Variants in DNAH5 observed in about 807,000 individuals in gnomAD.
DNAH5 encodes axonemal beta dynein heavy chain 5.
In DNAH5, 372 loss-of-function variants were observed where a neutral mutation model predicts 518.2. That is an observed-to-expected ratio of 0.72 (90% CI 0.66 to 0.78). The LOEUF is 0.78. Ranked by LOEUF, DNAH5 falls within the 30% of genes least tolerant of loss-of-function variation. The pLI is 0.00. For missense variants in DNAH5, 5,523 were observed against 5,687.0 expected, an observed-to-expected ratio of 0.97 and a Z score of 0.93; for synonymous variants, 2,039 against 2,025.9, an observed-to-expected ratio of 1.01 and a Z score of -0.17.
At chr5:13,844,481 C>T (rs960241572) in intron 32 of DNAH5, among the ~76,000 whole-genome samples, 1 of 149,642 alleles carries the variant, frequency 6.7e-6, no homozygotes, top group Non-Finnish European at 1.5e-5. Context: ...CAGATTAAAA[C>T]AATTACATCA....
rs1331803302 is a variant in DNAH5, at chr5:13,707,814, G to A, written c.13338+309C>T. Among the ~76,000 whole-genome samples, 3 of 152,108 alleles carry A rather than the reference G, an allele frequency of 2.0e-5. No individual in the cohort carries two copies. The highest frequency in any genetic ancestry group is 6.5e-5 in the Admixed American group (1 of 15,280). On this transcript the variant is annotated intron_variant, in intron 76 of 78. Coordinates refer to ENST00000265104, the MANE Select transcript of DNAH5 (RefSeq NM_001369.3). This position sits in a 1 kb window ranked among gnomAD's most constrained non-coding sequence, Gnocchi z 4.0. The stretch of plus-strand genomic sequence containing the variant: ...ATTCTGATTCTTGGACTACTTAGAT[G>A]TGTAATCTGAGAAAAGACTTAACCT...
chr5:13,715,885 C>T (rs925574247), intron 74 of DNAH5, among the ~76,000 whole-genome samples: 4 of 152,144 alleles, frequency 2.6e-5, no homozygotes, highest in East Asian at 1.9e-4. Context: ...ATTGGCATCC[C>T]GTGGATAGAG....
intron 55 of DNAH5, 127 bp downstream of exon 55, chr5:13,776,312 T>C: frequency 7.8e-7 from 1 of 1,274,394 alleles, no homozygotes; most frequent in Non-Finnish European, 1.1e-6. Flanking sequence ...ATTAAACCTC[T>C]GTGCCTTCCC....
intron 53 of DNAH5, among the ~76,000 whole-genome samples, chr5:13,777,642 C>T (rs935783218): frequency 1.3e-5 from 2 of 152,110 alleles, no homozygotes; most frequent in African/African-American, 4.8e-5. Context: ...CAAAATGTAT[C>T]TTTCTCAAAA....
chr5:13,699,176 G>T (rs1225223577), intron 78 of DNAH5, among the ~76,000 whole-genome samples: 2 of 152,094 alleles, frequency 1.3e-5, no homozygotes, highest in African/African-American at 4.8e-5. Flanking sequence ...TCTCATTCTT[G>T]TCCTCCAAAG....
intron 53 of DNAH5, among the ~76,000 whole-genome samples, chr5:13,779,541 C>A (rs1219241767): frequency 1.3e-5 from 2 of 152,164 alleles, no homozygotes; most frequent in Non-Finnish European, 2.9e-5. Context: ...GATTTTCAGC[C>A]CAACCTAACT....
In DNAH5 at chr5:13,913,844, G is replaced by T; in HGVS notation, c.1435C>A (p.Arg479Ser). 6.2e-7 allele frequency: 1 copy of T among 1,613,662 alleles called. No individual in the cohort carries two copies. Among genetic ancestry groups the T allele is most frequent in the African/African-American group, 1.3e-5 (1 of 75,034 alleles). The change falls in exon 11 of 79, where the codon CGC becomes AGC. Residue 479 changes from arginine (R) to serine (S), a missense_variant. By Grantham distance (110) the Arg-to-Ser change is moderately radical. This residue lies in a region of DNAH5 where 5,121 missense variants were observed against 5,223.3 expected (regional missense o/e 0.98). Coordinates refer to ENST00000265104, the MANE Select transcript of DNAH5 (RefSeq NM_001369.3). ...IFGKFETFHR[R>S]LAKIIDIFTT... ...AAGATGTCTATTATCTTGGCAAGGC[G>T]TCGGTGAAAAGTTTCGAATTTTCCA... is the stretch of plus-strand genomic sequence containing the variant.
intron 75 of DNAH5, among the ~76,000 whole-genome samples, chr5:13,712,374 AT>A (rs1743605917): frequency 6.6e-6 from 1 of 152,244 alleles, no homozygotes; most frequent in Non-Finnish European, 1.5e-5. Flanking sequence ...ATTCTCGACA[AT>A]AACATTGGAA....
chr5:13,766,101 C>T lies in DNAH5; in HGVS notation c.9976G>A (p.Val3326Ile), dbSNP rs149452082. 16 of 1,614,168 alleles carry T rather than the reference C, an allele frequency of 9.9e-6. No individual in the cohort carries two copies. The highest frequency in any genetic ancestry group is 3.3e-5 in the Admixed American group (2 of 60,020). The stretch of plus-strand genomic sequence containing the variant: ...ACTTTCCTTTGAAACAGCAGCAGTA[C>T]GCAATCCATGATCCGCATGATGAGG... The part of the protein sequence containing the change: ...PHLIMRIMDC[V>I]LLLFQRKVSA... Residue 3326 changes from valine (V) to isoleucine (I), a missense_variant, in exon 59 of 79, where the codon GTA becomes ATA. Val to Ile is a conservative substitution (Grantham distance 29). Coordinates refer to ENST00000265104, the MANE Select transcript of DNAH5 (RefSeq NM_001369.3).
At chr5:13,727,335 A>C (rs1176028828) in intron 70 of DNAH5, among the ~76,000 whole-genome samples, 172 bp downstream of exon 70, 2 of 152,230 alleles carry the variant, frequency 1.3e-5, no homozygotes, top group African/African-American at 4.8e-5. Context: ...CATATGCCTC[A>C]AGACATCTAT....
chr5:13,792,561 G>T (rs555832095), intron 49 of DNAH5, among the ~76,000 whole-genome samples: 94 of 152,164 alleles, frequency 6.2e-4, no homozygotes, highest in African/African-American at 2.2e-3. Flanking sequence ...AGTCCTCTAA[G>T]GTTTCTAGTT....
chr5:13,906,267 T>A (rs539507948), intron 12 of DNAH5, among the ~76,000 whole-genome samples: 2 of 152,284 alleles, frequency 1.3e-5, no homozygotes, highest in Admixed American at 1.3e-4. Context: ...TAGATGGTAA[T>A]GATGTGTCAA....
At chr5:13,726,538 T>C (rs1384822499) in intron 70 of DNAH5, among the ~76,000 whole-genome samples, 1 of 152,238 alleles carries the variant, frequency 6.6e-6, no homozygotes, top group African/African-American at 2.4e-5. Flanking sequence ...AACATTTCTT[T>C]CCACACTGTC....
At chr5:13,692,514 T>C (rs1332882893) in intron 78 of DNAH5, among the ~76,000 whole-genome samples, 1 of 152,146 alleles carries the variant, frequency 6.6e-6, no homozygotes, top group Non-Finnish European at 1.5e-5. Context: ...TACTCAGGCA[T>C]CCAGCACCAG....
chr5:13,832,647 T>C (rs1052893813), intron 35 of DNAH5, among the ~76,000 whole-genome samples: 2 of 152,236 alleles, frequency 1.3e-5, no homozygotes, highest in Non-Finnish European at 2.9e-5. Flanking sequence ...ATAAACTCTC[T>C]GCGGTCAGGA....
rs1762003156 is a variant in DNAH5, at chr5:13,820,000, T to A, written c.6841+346A>T. Reference sequence around the variant, plus strand: ...GCCCTGACCTTAACTCTGAGTCCCATCACTTACCATCTTTGTGACCGTGGG... The same window carrying A: ...GCCCTGACCTTAACTCTGAGTCCCAACACTTACCATCTTTGTGACCGTGGG... On this transcript the variant is annotated intron_variant, in intron 41 of 78. Coordinates refer to ENST00000265104, the MANE Select transcript of DNAH5 (RefSeq NM_001369.3). Among the ~76,000 whole-genome samples the A allele has an allele frequency of 2.0e-5, 3 of 152,262 alleles. No individual in the cohort carries two copies. In the South Asian group the frequency reaches 6.2e-4, roughly 32 times the overall value.
At chr5:13,720,063 G>A (rs576653983) in intron 71 of DNAH5, among the ~76,000 whole-genome samples, 22 of 145,868 alleles carry the variant, frequency 1.5e-4, no homozygotes, top group Middle Eastern at 3.6e-3. Context: ...ACCCATCTTA[G>A]ATCACTGACT....
chr5:13,697,392 C>T (rs926093564), intron 78 of DNAH5, among the ~76,000 whole-genome samples: 4 of 152,156 alleles, frequency 2.6e-5, no homozygotes, highest in Admixed American at 6.5e-5. Context: ...TGAGAACCTT[C>T]GTGTTCCTAA....
In DNAH5 at chr5:13,830,187, A is replaced by C. The variant is rs1763453207; in HGVS notation, c.6088T>G (p.Cys2030Gly). 6.2e-7 allele frequency: 1 copy of C among 1,614,128 alleles called. No individual in the cohort carries two copies. The highest frequency in any genetic ancestry group is 1.7e-5 in the Admixed American group (1 of 60,012). The stretch of plus-strand genomic sequence containing the variant: ...TCAATACGGTTAAATTCATCAAAAC[A>C]ACCCCAGGATCCAGACTGTGCCAGT... ...KGLAQSGSWGCFDEFNRIDLP... is the reference protein window; with the variant it reads ...KGLAQSGSWGGFDEFNRIDLP... The change falls in exon 37 of 79, where the codon TGT becomes GGT. Residue 2030 changes from cysteine to glycine, a missense_variant. By Grantham distance (159) the Cys-to-Gly change is radical. This residue lies in a region of DNAH5 where 5,121 missense variants were observed against 5,223.3 expected (regional missense o/e 0.98). Coordinates refer to ENST00000265104, the MANE Select transcript of DNAH5 (RefSeq NM_001369.3).
Sources: allele counts gnomAD v4.1 joint callset (sites outside exome capture counted in the v4.1 genomes callset), GRCh38; gene constraint gnomAD v4.1.1; regional missense constraint gnomAD v4.1.1; non-coding constraint Gnocchi (gnomAD v3.1); transcripts MANE v1.5; gene names NCBI Gene and HGNC (gene_info 2026-07-23, HGNC 2026-07-21).